EHD4: variants seen among roughly 807,000 people sequenced by gnomAD.
EHD4 encodes the protein EH domain-containing protein 4.
In EHD4, 37 loss-of-function variants were observed where a neutral mutation model predicts 51.0. That is an observed-to-expected ratio of 0.73 (90% CI 0.56 to 0.95). The LOEUF (loss-of-function observed/expected upper bound fraction) is 0.95. EHD4 is among the 40% of genes least tolerant of loss of function. The probability of loss-of-function intolerance (pLI) is 0.00; values close to 1 mark genes in which losing one functional copy is unlikely to be tolerated. For missense variants in EHD4, 632 were observed against 733.1 expected (o/e 0.86, Z 1.59); for synonymous variants, 297 against 317.3 (o/e 0.94, Z 0.68).
chr15:41,929,846 C>T (rs780835672), intron 3 of EHD4, among the ~76,000 whole-genome samples: 15 of 152,286 alleles, frequency 9.8e-5, no homozygotes, highest in Non-Finnish European at 1.3e-4. Context: ...TTTAGCTCAG[C>T]GTCTGTATAG....
At position 41,972,311 on chromosome 15, in the gene EHD4, G is replaced by A; in HGVS notation, c.184C>T (p.Pro62Ser). 6.2e-7 allele frequency: 1 copy of A among 1,611,242 alleles called. No homozygotes were observed. The highest frequency in any genetic ancestry group is 8.5e-7 in the Non-Finnish European group (1 of 1,178,806). ...ALEDADFENK[P>S]MILLVGQYST... ...TACTGGCCCACCAGCAGGATCATGG[G>A]CTTGTTCTCGAAGTCGGCGTCCTCC... The change falls in exon 1 of 6, where the codon CCC becomes TCC. Residue 62 changes from proline (P) to serine (S), a missense_variant. Coordinates refer to ENST00000220325, the MANE Select transcript of EHD4 (RefSeq NM_139265.4).
At chr15:41,906,649 G>T (rs1039183178) in intron 5 of EHD4, among the ~76,000 whole-genome samples, 1 of 152,232 alleles carries the variant, frequency 6.6e-6, no homozygotes, top group Non-Finnish European at 1.5e-5. Flanking sequence ...GGGCAAGAGG[G>T]TGACTGAGCT....
intron 2 of EHD4, among the ~76,000 whole-genome samples, chr15:41,947,714 C>T (rs983317561): frequency 6.6e-6 from 1 of 152,302 alleles, no homozygotes; most frequent in East Asian, 1.9e-4. Flanking sequence ...ATTTCACATC[C>T]AGATTACAGC....
At chr15:41,954,141 T>A (rs1025319102) in intron 1 of EHD4, among the ~76,000 whole-genome samples, 1 of 152,204 alleles carries the variant, frequency 6.6e-6, no homozygotes, top group African/African-American at 2.4e-5. Context: ...TGCTGGCTCC[T>A]GGGCATCCTG....
intron 3 of EHD4, among the ~76,000 whole-genome samples, chr15:41,922,421 T>C (rs965692827): frequency 1.3e-5 from 2 of 152,068 alleles, no homozygotes; most frequent in Non-Finnish European, 2.9e-5. Flanking sequence ...AAAACCACAA[T>C]TGGTAAACAA....
chr15:41,959,892 C>T (rs112035122), intron 1 of EHD4, among the ~76,000 whole-genome samples: 14,473 of 151,344 alleles, frequency 0.096, 836 homozygotes, highest in South Asian at 0.26. Flanking sequence ...ATTGCTTGAA[C>T]CTGGGAGGCG....
chr15:41,897,485 C>G lies in EHD4; in HGVS notation c.*3160G>C, dbSNP rs984425316. On this transcript the variant is annotated 3_prime_UTR_variant, in exon 6 of 6. Coordinates refer to ENST00000220325, the MANE Select transcript of EHD4 (RefSeq NM_139265.4). The stretch of plus-strand genomic sequence containing the variant: ...GCCAACTGAATGAATGACCCTCCCC[C>G]AGAAGAGCAACCCTGCCCCCAGGCC... The G allele has an allele frequency of 6.6e-6, 1 of 152,380 alleles. No individual in the cohort carries two copies. Among genetic ancestry groups the G allele is most frequent in the African/African-American group, 2.4e-5 (1 of 41,478 alleles). The allele number at this position is 152,380 out of a possible 1,614,324, so 9.4% of individuals were successfully genotyped here.
At chr15:41,955,986 T>C (rs1277680087) in intron 1 of EHD4, among the ~76,000 whole-genome samples, 1 of 152,094 alleles carries the variant, frequency 6.6e-6, no homozygotes, top group Admixed American at 6.6e-5. Flanking sequence ...CTGGTATGAC[T>C]GAGGGAGGAG....
chr15:41,903,389 C>A (rs566350736), intron 5 of EHD4, among the ~76,000 whole-genome samples: 7 of 148,646 alleles, frequency 4.7e-5, no homozygotes, highest in African/African-American at 7.4e-5. Flanking sequence ...AATTTATAAT[C>A]TCATCATCTG....
At chr15:41,963,433 T>C (rs1311807721) in intron 1 of EHD4, among the ~76,000 whole-genome samples, 1 of 151,742 alleles carries the variant, frequency 6.6e-6, no homozygotes, top group Non-Finnish European at 1.5e-5. Context: ...ACCTTGTCTC[T>C]ACTAAAAAAT....
intron 2 of EHD4, among the ~76,000 whole-genome samples, chr15:41,947,887 A>G (rs1169741765): frequency 2.0e-5 from 3 of 152,218 alleles, no homozygotes; most frequent in Admixed American, 1.3e-4. Context: ...CCAGCCAGGA[A>G]GGTCTGCCTG....
intron 1 of EHD4, among the ~76,000 whole-genome samples, chr15:41,954,821 G>C (rs974086158): frequency 1.3e-5 from 2 of 152,090 alleles, no homozygotes; most frequent in Admixed American, 1.3e-4. Context: ...GTAGAAACAG[G>C]GTTTCACCAT....
chr15:41,920,815 T>C (rs2067619856), intron 3 of EHD4, among the ~76,000 whole-genome samples: 1 of 152,220 alleles, frequency 6.6e-6, no homozygotes, highest in South Asian at 2.1e-4. Flanking sequence ...CAAAAGGACA[T>C]ATACAGCATG....
chr15:41,922,776 G>A (rs141632585), intron 3 of EHD4, among the ~76,000 whole-genome samples: 174 of 150,910 alleles, frequency 1.2e-3, no homozygotes, highest in African/African-American at 4.3e-3. Flanking sequence ...TATAAGTGAC[G>A]CCAATACTCA....
intron 2 of EHD4, among the ~76,000 whole-genome samples, chr15:41,947,141 A>G (rs2067820445): frequency 6.6e-6 from 1 of 152,200 alleles, no homozygotes; most frequent in African/African-American, 2.4e-5. Flanking sequence ...TGCAGAGCCC[A>G]GGTTCTTCAC....
intron 2 of EHD4, among the ~76,000 whole-genome samples, chr15:41,949,049 T>TATATATAC (rs2067835129): frequency 9.8e-6 from 1 of 102,418 alleles, no homozygotes; most frequent in Non-Finnish European, 2.0e-5. Flanking sequence ...TATATATATA[T>TATATATAC]ATACACACAT....
At chr15:41,939,310 T>C (rs771291509) in intron 3 of EHD4, among the ~76,000 whole-genome samples, 1 of 152,226 alleles carries the variant, frequency 6.6e-6, no homozygotes, top group Non-Finnish European at 1.5e-5. Flanking sequence ...AGAACACTTT[T>C]ATCCTTGCTT....
chr15:41,959,208 C>T (rs548001439), intron 1 of EHD4, among the ~76,000 whole-genome samples: 20 of 151,792 alleles, frequency 1.3e-4, no homozygotes, highest in African/African-American at 4.6e-4. Flanking sequence ...CTGGCTAACA[C>T]GGTGAAACCC....
intron 2 of EHD4, among the ~76,000 whole-genome samples, chr15:41,950,188 C>A (rs2067843835): frequency 6.8e-6 from 1 of 147,254 alleles, no homozygotes; most frequent in African/African-American, 2.7e-5. Flanking sequence ...GCACCATAGA[C>A]CCCTTGTCGC....
Sources: gnomAD v4.1 joint callset for allele counts (sites outside exome capture counted in the v4.1 genomes callset) on GRCh38, gnomAD v4.1.1 for gene constraint, MANE v1.5 for transcripts, NCBI Gene and HGNC (gene_info 2026-07-23, HGNC 2026-07-21) for gene names.